Variants in CPAP observed in about 807,000 individuals in gnomAD.
The protein encoded by CPAP is centrosome assembly and centriole elongation protein.
the CPAP span, among the ~76,000 whole-genome samples, chr13:24,932,118 C>T: frequency 6.6e-6 from 1 of 152,192 alleles, no homozygotes; most frequent in South Asian, 2.1e-4. Context: ...AATCCCCAAA[C>T]TAACACTGAA....
the CPAP span, chr13:24,913,117 T>C: frequency 8.9e-6 from 10 of 1,122,380 alleles, no homozygotes; most frequent in Admixed American, 1.9e-5. Flanking sequence ...GCCAACAAAA[T>C]GTATTAGGTA....
the CPAP span, chr13:24,885,747 A>C: frequency 9.8e-7 from 1 of 1,016,944 alleles, no homozygotes; most frequent in South Asian, 1.3e-5. Flanking sequence ...ACATTTCCTT[A>C]GTTCATATCC....
At chr13:24,912,436 T>C in the CPAP span, 2 of 703,218 alleles carry the variant, frequency 2.8e-6, no homozygotes, top group Non-Finnish European at 4.7e-6. Flanking sequence ...ACTTAAATGT[T>C]TCACATTAGA....
the CPAP span, chr13:24,884,171 A>G: frequency 6.2e-7 from 1 of 1,614,182 alleles, no homozygotes. Context: ...CTATTTGTCC[A>G]CTTGAGAAAT....
chr13:24,927,404 A>AT, the CPAP span, among the ~76,000 whole-genome samples: 3 of 152,132 alleles, frequency 2.0e-5, no homozygotes, highest in South Asian at 2.1e-4. Context: ...GAATTCACCC[A>AT]TTTTTTGTCA....
the CPAP span, among the ~76,000 whole-genome samples, chr13:24,890,463 A>G: frequency 6.6e-6 from 1 of 152,168 alleles, no homozygotes; most frequent in Non-Finnish European, 1.5e-5. Flanking sequence ...CCATGTCCTG[A>G]AAGCCTCTGG....
At chr13:24,923,089 C>T in the CPAP span, among the ~76,000 whole-genome samples, 19 of 152,208 alleles carry the variant, frequency 1.2e-4, no homozygotes, top group Non-Finnish European at 2.4e-4. Flanking sequence ...AGAGACCTTC[C>T]GTGGTGGACG....
At chr13:24,931,302 G>GTTCCT in the CPAP span, among the ~76,000 whole-genome samples, 1 of 9,070 alleles carries the variant, frequency 1.1e-4, no homozygotes, top group Non-Finnish European at 2.0e-4. Flanking sequence ...ATTTTTTCAT[G>GTTCCT]TTTCTTTTTT....
the CPAP span, chr13:24,883,439 T>C: frequency 1.6e-6 from 2 of 1,277,716 alleles, no homozygotes; most frequent in East Asian, 2.5e-5. Context: ...GAAAAACTAC[T>C]GAAAAGTAGC....
chr13:24,923,027 C>G, the CPAP span: 1 of 152,354 alleles, frequency 6.6e-6, no homozygotes, highest in African/African-American at 2.4e-5. Context: ...CAGCAGCGGG[C>G]CAGTGGTCGA....
the CPAP span, chr13:24,906,221 T>C: frequency 1.2e-6 from 2 of 1,609,106 alleles, no homozygotes; most frequent in South Asian, 2.2e-5. Context: ...TTTGCAGATC[T>C]GTTGATCCCT....
the CPAP span, among the ~76,000 whole-genome samples, chr13:24,887,094 G>A: frequency 6.6e-6 from 1 of 152,156 alleles, no homozygotes; most frequent in African/African-American, 2.4e-5. Flanking sequence ...GTAGATACTA[G>A]GGGAGGGATG....
the CPAP span, chr13:24,925,856 G>A: frequency 6.5e-6 from 1 of 152,782 alleles, no homozygotes; most frequent in Non-Finnish European, 1.5e-5. Flanking sequence ...ACATTGACCA[G>A]GAGCTGACCT....
chr13:24,887,090 A>G, the CPAP span, among the ~76,000 whole-genome samples: 1 of 152,188 alleles, frequency 6.6e-6, no homozygotes, highest in South Asian at 2.1e-4. Flanking sequence ...CTGGGTAGAT[A>G]CTAGGGGAGG....
chr13:24,906,463 T>C, the CPAP span: 1 of 1,614,224 alleles, frequency 6.2e-7, no homozygotes, highest in Non-Finnish European at 8.5e-7. Flanking sequence ...AAAGAGGAAG[T>C]CTGTCTTTAC....
the CPAP span, among the ~76,000 whole-genome samples, chr13:24,931,986 CG>C: frequency 5.3e-5 from 8 of 152,236 alleles, no homozygotes; most frequent in Non-Finnish European, 7.3e-5. Context: ...CGCCTGAGGC[CG>C]GGTCCCGCTC....
At chr13:24,904,674 T>C in the CPAP span, among the ~76,000 whole-genome samples, 1 of 152,214 alleles carries the variant, frequency 6.6e-6, no homozygotes, top group Non-Finnish European at 1.5e-5. Flanking sequence ...GTAGTTAAGT[T>C]GTAAATATTT....
At chr13:24,907,457 C>G in the CPAP span, among the ~76,000 whole-genome samples, 6 of 152,168 alleles carry the variant, frequency 3.9e-5, no homozygotes, top group East Asian at 1.2e-3. Flanking sequence ...CATGGAGTAA[C>G]ATATTCATCA....
chr13:24,909,728 C>T, the CPAP span: 2 of 1,450,434 alleles, frequency 1.4e-6, no homozygotes, highest in Non-Finnish European at 1.9e-6. Flanking sequence ...CATGGAAAGG[C>T]TTCATCTTAG....
Sources: allele counts gnomAD v4.1 joint callset (sites outside exome capture counted in the v4.1 genomes callset), GRCh38; gene constraint gnomAD v4.1.1; transcripts MANE v1.5; gene names NCBI Gene and HGNC (gene_info 2026-07-23, HGNC 2026-07-21).